The following DOCK3 variants were observed in gnomAD, a reference collection of about 807,000 sequenced individuals.
DOCK3 encodes dedicator of cytokinesis protein 3.
In DOCK3, 60 loss-of-function variants were observed where a neutral mutation model predicts 265.6. The observed-to-expected ratio is 0.23, with a 90% CI of 0.18 to 0.28. The LOEUF is 0.28. Among genes scored for constraint, DOCK3 ranks in the 10% least tolerant of loss-of-function variants. The pLI is 1.00. For synonymous variants in DOCK3, 881 were observed against 938.0 expected (o/e 0.94, Z 1.11); for missense variants, 1,981 against 2,594.3 (o/e 0.76, Z 5.14).
intron 19 of DOCK3, 85 bp downstream of exon 19, chr3:51,229,694 C>G: frequency 1.0e-6 from 1 of 971,104 alleles, no homozygotes; most frequent in Admixed American, 3.7e-5. Flanking sequence ...TTGCCAATAA[C>G]CGTCTGAGAC....
intron 31 of DOCK3, 87 bp from the exon 32 acceptor site, chr3:51,314,893 G>A: frequency 7.0e-7 from 1 of 1,436,910 alleles, no homozygotes; most frequent in Non-Finnish European, 9.2e-7. Context: ...TTCCAGTATG[G>A]ATTGTAGCAT....
chr3:50,978,262 C>T (rs1266131772), intron 5 of DOCK3, among the ~76,000 whole-genome samples: 1 of 150,028 alleles, frequency 6.7e-6, no homozygotes, highest in Non-Finnish European at 1.5e-5. Context: ...GTTTTTTCCC[C>T]ATCTTTGTGG....
At chr3:51,257,163 A>G (rs930101414) in intron 22 of DOCK3, among the ~76,000 whole-genome samples, 3 of 152,166 alleles carry the variant, frequency 2.0e-5, no homozygotes, top group African/African-American at 7.2e-5. Context: ...ACCACTTCAC[A>G]CTTGTTCTGT....
chr3:51,121,088 A>G lies in DOCK3; in HGVS notation c.747-25461A>G, dbSNP rs141455134. Among the ~76,000 whole-genome samples, 1,161 of 152,276 alleles carry G rather than the reference A, an allele frequency of 7.6e-3. 18 individuals carry two copies. The highest frequency in any genetic ancestry group is 0.027 in the African/African-American group (1,116 of 41,540). ...TCAGTGTCTGCCCAAACAGCCGCCCAGTTTTGTGCTTGAAACCCAGGGCCC... is the reference window on the plus strand; with the variant it reads ...TCAGTGTCTGCCCAAACAGCCGCCCGGTTTTGTGCTTGAAACCCAGGGCCC... On this transcript the variant is annotated intron_variant, in intron 9 of 52. Coordinates refer to ENST00000266037, the MANE Select transcript of DOCK3 (RefSeq NM_004947.5).
intron 3 of DOCK3, among the ~76,000 whole-genome samples, chr3:50,873,468 G>A (rs980958563): frequency 6.6e-5 from 10 of 152,188 alleles, no homozygotes; most frequent in African/African-American, 9.7e-5. Flanking sequence ...TCACACAGAA[G>A]GAAGGGGTCT....
intron 49 of DOCK3, among the ~76,000 whole-genome samples, chr3:51,367,961 T>C (rs1022565023): frequency 3.3e-5 from 5 of 152,194 alleles, no homozygotes; most frequent in Non-Finnish European, 7.3e-5. Flanking sequence ...ATCTGACAAT[T>C]ATGTGTCTTG....
Position 50,737,048 on chromosome 3 carries a change from G to A in DOCK3, c.38-41627G>A, listed in dbSNP as rs536246819. On this transcript the variant is annotated intron_variant, in intron 1 of 52. Coordinates refer to ENST00000266037, the MANE Select transcript of DOCK3 (RefSeq NM_004947.5). ...CGTATCCTTCGCCCACTTTTTGATG[G>A]GGTTGTTTTTTTCTTGTAAATTTGT... Among the ~76,000 whole-genome samples the A allele has an allele frequency of 3.3e-5, 5 of 152,056 alleles. No individual in the cohort carries two copies. The East Asian group carries it at 9.7e-4, about 29-fold the overall frequency.
chr3:50,980,634 T>C (rs1339236928), intron 5 of DOCK3, among the ~76,000 whole-genome samples: 4 of 152,170 alleles, frequency 2.6e-5, no homozygotes, highest in Non-Finnish European at 4.4e-5. Flanking sequence ...TTCAGTCTTA[T>C]TACTTGTTAC....
chr3:51,208,511 A>G (rs551084565), intron 12 of DOCK3, among the ~76,000 whole-genome samples: 1 of 152,336 alleles, frequency 6.6e-6, no homozygotes, highest in East Asian at 1.9e-4. Flanking sequence ...ACAACTTTTC[A>G]TGTGGGATAG....
At chr3:50,870,386 T>A (rs906453388) in intron 3 of DOCK3, among the ~76,000 whole-genome samples, 1 of 152,244 alleles carries the variant, frequency 6.6e-6, no homozygotes, top group Admixed American at 6.5e-5. Flanking sequence ...ACTCTTCTTA[T>A]AATTTTTGTC....
intron 25 of DOCK3, among the ~76,000 whole-genome samples, chr3:51,276,892 A>G (rs1346917546): frequency 3.9e-5 from 6 of 152,216 alleles, no homozygotes; most frequent in Admixed American, 2.0e-4. Flanking sequence ...TGAGAAGTCT[A>G]TAATAGGATA....
At chr3:51,188,075 T>G (rs554121131) in intron 12 of DOCK3, among the ~76,000 whole-genome samples, 2 of 152,334 alleles carry the variant, frequency 1.3e-5, no homozygotes, top group South Asian at 2.1e-4. Context: ...AACGGAGCCT[T>G]CCTTTCTTTA....
intron 7 of DOCK3, among the ~76,000 whole-genome samples, chr3:51,085,975 C>A (rs2082404978): frequency 6.6e-6 from 1 of 152,116 alleles, no homozygotes; most frequent in Non-Finnish European, 1.5e-5. Flanking sequence ...ATACCCTAAC[C>A]CAGTGACACT....
intron 9 of DOCK3, among the ~76,000 whole-genome samples, chr3:51,121,884 T>C (rs890982190): frequency 6.6e-6 from 1 of 152,216 alleles, no homozygotes; most frequent in Non-Finnish European, 1.5e-5. Context: ...ATTATTTTCA[T>C]TACTCCATAT....
intron 2 of DOCK3, chr3:50,787,085 C>T: frequency 2.7e-6 from 2 of 727,362 alleles, no homozygotes; most frequent in Non-Finnish European, 5.2e-6. Context: ...ATGAAGGATC[C>T]AGTTTCTTGA....
chr3:50,958,457 C>T (rs926970993), intron 5 of DOCK3, among the ~76,000 whole-genome samples: 3 of 152,152 alleles, frequency 2.0e-5, no homozygotes, highest in African/African-American at 7.2e-5. Flanking sequence ...TCTTTTCGGC[C>T]TCTGTGCCCT....
intron 27 of DOCK3, among the ~76,000 whole-genome samples, chr3:51,307,166 C>G (rs2082731232): frequency 6.6e-6 from 1 of 152,130 alleles, no homozygotes; most frequent in Admixed American, 6.5e-5. Flanking sequence ...ATTGCTCAGG[C>G]TGTAGTACAG....
chr3:50,798,807 G>A (rs1559651964), intron 2 of DOCK3, among the ~76,000 whole-genome samples: 1 of 152,044 alleles, frequency 6.6e-6, no homozygotes, highest in South Asian at 2.1e-4. Context: ...GTAGACCAAT[G>A]TCCTGAAGCA....
At chr3:51,275,294 T>C in intron 25 of DOCK3, 88 bp downstream of exon 25, 1 of 1,575,342 alleles carries the variant, frequency 6.3e-7, no homozygotes, top group Non-Finnish European at 8.6e-7. Context: ...AAGATCGCTT[T>C]GTACACTTTT....
Sources: allele counts gnomAD v4.1 joint callset (sites outside exome capture counted in the v4.1 genomes callset), GRCh38; gene constraint gnomAD v4.1.1; transcripts MANE v1.5; gene names NCBI Gene and HGNC (gene_info 2026-07-23, HGNC 2026-07-21).